MAML1: variants seen among roughly 807,000 people sequenced by gnomAD.
MAML1 encodes mastermind-like protein 1.
MAML1 carries 14 observed loss-of-function variants against 77.1 expected under a neutral mutation model. The observed-to-expected ratio is 0.18, with a 90% CI of 0.12 to 0.28. MAML1 has a LOEUF of 0.28. Among genes scored for constraint, MAML1 ranks in the 10% least tolerant of loss-of-function variants. The pLI is 1.00. For missense variants in MAML1, 1,217 were observed against 1,327.8 expected, an observed-to-expected ratio of 0.92 and a Z score of 1.30; for synonymous variants, 516 against 551.9, an observed-to-expected ratio of 0.93 and a Z score of 0.91.
chr5:179,737,386 A>G (rs996718676), intron 1 of MAML1, among the ~76,000 whole-genome samples: 3 of 152,216 alleles, frequency 2.0e-5, no homozygotes, highest in South Asian at 2.1e-4. Flanking sequence ...GGCTCCTTCA[A>G]TTCAGGGGGG....
chr5:179,744,276 C>T (rs1431071790), intron 1 of MAML1, among the ~76,000 whole-genome samples: 4 of 152,138 alleles, frequency 2.6e-5, no homozygotes, highest in Non-Finnish European at 5.9e-5. Flanking sequence ...CCTCCACTCC[C>T]CCGGGTTTAA....
At position 179,774,627 on chromosome 5, in the gene MAML1, C is replaced by A; in HGVS notation, c.2801C>A (p.Ala934Glu). 6.2e-7 allele frequency: 1 copy of A among 1,611,680 alleles called. No homozygotes were observed. ...CAGGGCTTGCCTGGCCTGAGCCCAG[C>A]AGGGCCTGAGCTGGGGGCCTTCAGC... is the stretch of plus-strand genomic sequence containing the variant. ...PQQGLPGLSP[A>E]GPELGAFSQS... Residue 934 changes from alanine to glutamate, a missense_variant, in exon 5 of 5, where the codon GCA (alanine) becomes GAA (glutamate). By Grantham distance (107) the Ala-to-Glu change is moderately radical. Coordinates refer to ENST00000292599, the MANE Select transcript of MAML1 (RefSeq NM_014757.5).
rs2113389034 is a variant in MAML1 at position 179,776,048 on chromosome 5, A to G, written c.*1171A>G. On this transcript the variant is annotated 3_prime_UTR_variant, in exon 5 of 5. Coordinates refer to ENST00000292599, the MANE Select transcript of MAML1 (RefSeq NM_014757.5). ...TATAACACTAAGACATCCTTTCTAA[A>G]GATTCAAGTGGACTTGACTAAGCTG... The G allele has an allele frequency of 1.0e-6, 1 of 985,906 alleles. No individual in the cohort carries two copies. The highest frequency in any genetic ancestry group is 1.1e-4 in the East Asian group (1 of 8,824). The allele number at this position is 985,906 out of a possible 1,614,324, so 61.1% of individuals were successfully genotyped here. A position where few individuals can be genotyped will look rare whatever the true frequency, so the allele number is the denominator to read the frequency against.
At chr5:179,755,768 G>GTT (rs1266646726) in intron 1 of MAML1, among the ~76,000 whole-genome samples, 7 of 139,564 alleles carry the variant, frequency 5.0e-5, no homozygotes, top group African/African-American at 5.2e-5. Flanking sequence ...GCCCAAGACA[G>GTT]TTTTTTTTTT....
At chr5:179,737,035 C>A (rs143314159) in intron 1 of MAML1, among the ~76,000 whole-genome samples, 66 of 151,634 alleles carry the variant, frequency 4.4e-4, no homozygotes, top group Admixed American at 1.2e-3. Flanking sequence ...GAATTTAGAC[C>A]CTGTATGATT....
intron 2 of MAML1, among the ~76,000 whole-genome samples, chr5:179,768,264 G>A (rs548268265): frequency 1.8e-4 from 28 of 152,188 alleles, no homozygotes; most frequent in Admixed American, 7.9e-4. Flanking sequence ...CGAGACCAGC[G>A]TGACCAACAT....
At chr5:179,751,580 C>A (rs1367145660) in intron 1 of MAML1, among the ~76,000 whole-genome samples, 1 of 152,160 alleles carries the variant, frequency 6.6e-6, no homozygotes, top group Non-Finnish European at 1.5e-5. Context: ...TGGCGCACAC[C>A]TGTAATCCCA....
At chr5:179,745,477 A>C (rs1238592531) in intron 1 of MAML1, among the ~76,000 whole-genome samples, 2 of 151,974 alleles carry the variant, frequency 1.3e-5, no homozygotes, top group African/African-American at 4.8e-5. Flanking sequence ...GCACTTTGGG[A>C]GGCAGAGGCG....
intron 1 of MAML1, among the ~76,000 whole-genome samples, chr5:179,754,205 C>T (rs1334376053): frequency 1.3e-5 from 2 of 152,098 alleles, no homozygotes; most frequent in South Asian, 2.1e-4. Context: ...TCACTTGAGC[C>T]TGGGAGGTGG....
chr5:179,742,594 GGAGTTC>G (rs1359409203), intron 1 of MAML1, among the ~76,000 whole-genome samples: 1 of 152,040 alleles, frequency 6.6e-6, no homozygotes, highest in Non-Finnish European at 1.5e-5. Flanking sequence ...TTTGAAATCA[GGAGTTC>G]GAGACCAGCC....
In MAML1 at chr5:179,769,986, C is replaced by T. The variant is rs1192714420; in HGVS notation, c.1971+897C>T. ...ACTCACACAGCATACACTTCACCCA[C>T]GTAAGTGAACAATTTAGTCATTTTT... On this transcript the variant is annotated intron_variant, in intron 3 of 4. Transcript: ENST00000292599. The surrounding 1 kb of genome is among the most constrained non-coding windows in gnomAD (Gnocchi z 4.2). Among the ~76,000 whole-genome samples, 4 of 152,218 alleles carry T rather than the reference C, an allele frequency of 2.6e-5. No homozygotes were observed. The highest frequency in any genetic ancestry group is 1.9e-4 in the East Asian group (1 of 5,196).
chr5:179,751,326 T>C (rs1287665729), intron 1 of MAML1, among the ~76,000 whole-genome samples: 1 of 152,106 alleles, frequency 6.6e-6, no homozygotes, highest in Non-Finnish European at 1.5e-5. Flanking sequence ...CCAGGTCAGG[T>C]TCTTAAGCAC....
At chr5:179,744,782 C>A (rs375029655) in intron 1 of MAML1, among the ~76,000 whole-genome samples, 3 of 152,066 alleles carry the variant, frequency 2.0e-5, no homozygotes, top group Non-Finnish European at 4.4e-5. Context: ...CTTTTGCTCT[C>A]TTTCAAGTTG....
intron 1 of MAML1, among the ~76,000 whole-genome samples, chr5:179,746,768 A>G (rs1779391103): frequency 6.6e-6 from 1 of 152,254 alleles, no homozygotes. Flanking sequence ...CAACTTGGTT[A>G]GTCTTTTAAT....
At position 179,775,325 on chromosome 5, in the gene MAML1, A is replaced by AG. The variant is rs1756112735; in HGVS notation, c.*449dup. On this transcript the variant is annotated 3_prime_UTR_variant, in exon 5 of 5. Transcript: ENST00000292599. ...TTATTTGCAATTTGTAGCATAGAAA[A>AG]GATTTTTAAATTTTTTTACAAAAGG... The AG allele has an allele frequency of 1.1e-5, 11 of 980,794 alleles. No homozygotes were observed. The African/African-American group carries it at 1.6e-4, about 14-fold the overall frequency. 60.8% of individuals were successfully genotyped at this position (980,794 alleles called of 1,614,324 possible).
chr5:179,744,119 T>C (rs1374758818), intron 1 of MAML1, among the ~76,000 whole-genome samples: 1 of 152,206 alleles, frequency 6.6e-6, no homozygotes, highest in Admixed American at 6.5e-5. Context: ...ACGTAATATA[T>C]GTTTGGAAGC....
intron 1 of MAML1, among the ~76,000 whole-genome samples, chr5:179,743,915 T>C (rs1779330977): frequency 6.6e-6 from 1 of 152,158 alleles, no homozygotes; most frequent in Admixed American, 6.5e-5. Flanking sequence ...TTCCAGAGAA[T>C]TATAAATATT....
At chr5:179,764,353 G>A (rs1450716556) in intron 1 of MAML1, among the ~76,000 whole-genome samples, 2 of 152,076 alleles carry the variant, frequency 1.3e-5, no homozygotes, top group Non-Finnish European at 2.9e-5. Flanking sequence ...CAAGCAAATA[G>A]TCCCAATAAG....
Position 179,775,372 on chromosome 5 carries a change from G to A in MAML1, c.*495G>A, listed in dbSNP as rs1756114228. ...AAGGTTTTTAAACAGATTAGGGTAG[G>A]TGATGGTTTAAATCAATTAAGTGGC... On this transcript the variant is annotated 3_prime_UTR_variant, in exon 5 of 5. Transcript: ENST00000292599. The A allele has an allele frequency of 1.0e-6, 1 of 985,038 alleles. No homozygotes were observed. Among genetic ancestry groups the A allele is most frequent in the African/African-American group, 1.7e-5 (1 of 57,246 alleles). The allele number at this position is 985,038 out of a possible 1,614,324, so 61.0% of individuals were successfully genotyped here.
Sources: gnomAD v4.1 joint callset for allele counts (sites outside exome capture counted in the v4.1 genomes callset) on GRCh38, gnomAD v4.1.1 for gene constraint, Gnocchi (gnomAD v3.1) non-coding constraint, MANE v1.5 for transcripts, NCBI Gene and HGNC (gene_info 2026-07-23, HGNC 2026-07-21) for gene names.